Variants in ACTR3C observed in about 807,000 individuals in gnomAD.
The protein encoded by ACTR3C is actin-related protein 3C.
ACTR3C carries 18 observed loss-of-function variants against 26.3 expected under a neutral mutation model. That is an observed-to-expected ratio of 0.68 (90% CI 0.47 to 1.01). The LOEUF (loss-of-function observed/expected upper bound fraction) is 1.01. Among genes scored for constraint, ACTR3C ranks in the 50% least tolerant of loss-of-function variants. ACTR3C has a pLI of 0.00. For missense variants in ACTR3C, 184 were observed against 250.7 expected (o/e 0.73, Z 1.80); for synonymous variants, 55 against 94.5 (o/e 0.58, Z 2.42).
chr7:150,081,341 G>A, the ACTR3C span, among the ~76,000 whole-genome samples: 1 of 151,496 alleles, frequency 6.6e-6, no homozygotes, highest in African/African-American at 2.4e-5. Flanking sequence ...AAAGGAAGAA[G>A]GTAGAGGCAG....
chr7:149,930,489 C>T, the ACTR3C span, among the ~76,000 whole-genome samples: 1,661 of 152,232 alleles, frequency 0.011, 32 homozygotes, highest in African/African-American at 0.038. Context: ...AGTAGCAGTT[C>T]AGTAGCTTTC....
chr7:149,919,161 A>G, the ACTR3C span, among the ~76,000 whole-genome samples: 2 of 91,460 alleles, frequency 2.2e-5, no homozygotes, highest in South Asian at 9.3e-4. Context: ...CCCTTGTTTC[A>G]TTTAATTTTT....
the ACTR3C span, among the ~76,000 whole-genome samples, chr7:150,140,081 GGCT>G: frequency 6.7e-6 from 1 of 149,508 alleles, no homozygotes; most frequent in Non-Finnish European, 1.5e-5. Context: ...CACACAGACA[GGCT>G]GCTAAGCTGA....
chr7:150,025,471 T>A, the ACTR3C span, among the ~76,000 whole-genome samples: 1 of 151,670 alleles, frequency 6.6e-6, no homozygotes, highest in Non-Finnish European at 1.5e-5. Context: ...ATTTTTCCCT[T>A]GTATCACACA....
At chr7:150,237,347 G>A in the ACTR3C span, among the ~76,000 whole-genome samples, 10 of 152,256 alleles carry the variant, frequency 6.6e-5, no homozygotes, top group South Asian at 2.1e-4. Flanking sequence ...AGCCTGTCTG[G>A]GTGTATGGCA....
At chr7:150,189,052 T>C in the ACTR3C span, among the ~76,000 whole-genome samples, 10 of 151,356 alleles carry the variant, frequency 6.6e-5, no homozygotes, top group Non-Finnish European at 1.3e-4. Flanking sequence ...CCCCAGGGTT[T>C]ATTCTAGCCT....
Position 150,305,977 on chromosome 7 carries a change from T to C in ACTR3C, c.-51-10630A>G, listed in dbSNP as rs181358534. 7.1e-3 allele frequency among the ~76,000 whole-genome samples: 1,085 copies of C among 152,240 alleles called. 20 individuals carry two copies. The highest frequency in any genetic ancestry group is 0.024 in the African/African-American group (999 of 41,510). On this transcript the variant is annotated intron_variant, in intron 1 of 7. Transcript: ENST00000683684. ...GTTCACTCCCCTTTAACTATTCCAT[T>C]AACATACGGTTAAGGACAAATACCT...
Position 150,280,292 on chromosome 7 carries a change from G to A in ACTR3C, c.564+4461C>T, listed in dbSNP as rs186860776. Among the ~76,000 whole-genome samples the A allele has an allele frequency of 9.0e-3, 1,368 of 152,212 alleles. 17 individuals carry two copies. Among genetic ancestry groups the A allele is most frequent in the African/African-American group, 0.03 (1,265 of 41,516 alleles). On this transcript the variant is annotated intron_variant, in intron 6 of 7. Transcript: ENST00000683684. ...GGCTGATTTTCACCTGCTCTCACAC[G>A]GAGGCTTCCCCGCAGGCCCCACCCC...
the ACTR3C span, among the ~76,000 whole-genome samples, chr7:150,171,537 G>C: frequency 6.7e-6 from 1 of 149,086 alleles, no homozygotes; most frequent in African/African-American, 2.6e-5. Flanking sequence ...ATAGAGCACA[G>C]GTTTCAAATC....
chr7:150,126,361 A>G, the ACTR3C span, among the ~76,000 whole-genome samples: 2 of 152,260 alleles, frequency 1.3e-5, no homozygotes, highest in Non-Finnish European at 2.9e-5. Flanking sequence ...CTGAAAGCTG[A>G]AAGAGATCAT....
chr7:149,996,987 AT>A, the ACTR3C span, among the ~76,000 whole-genome samples: 1 of 146,416 alleles, frequency 6.8e-6, no homozygotes, highest in Non-Finnish European at 1.5e-5. Flanking sequence ...ACAACCATTC[AT>A]CCCAGAGATC....
At chr7:149,925,389 C>A in the ACTR3C span, among the ~76,000 whole-genome samples, 1 of 152,160 alleles carries the variant, frequency 6.6e-6, no homozygotes, top group African/African-American at 2.4e-5. Flanking sequence ...GGAGGAACAA[C>A]AATCGAAAAC....
chr7:150,194,493 G>GT, the ACTR3C span, among the ~76,000 whole-genome samples: 1,783 of 149,852 alleles, frequency 0.012, 34 homozygotes, highest in African/African-American at 0.041. Flanking sequence ...AGAGCTTATA[G>GT]TTTTTTCTTT....
downstream of ACTR3C, chr7:150,246,227 TTG>T (rs1393521132): frequency 4.6e-5 from 7 of 152,224 alleles, no homozygotes; most frequent in Non-Finnish European, 7.3e-5. Flanking sequence ...GCACAAGCAC[TTG>T]GGGGATAGTT....
the ACTR3C span, among the ~76,000 whole-genome samples, chr7:150,172,783 T>C: frequency 6.6e-6 from 1 of 150,716 alleles, no homozygotes; most frequent in South Asian, 2.1e-4. Flanking sequence ...ATTGGGTAAA[T>C]ATAGCTGTTC....
the ACTR3C span, among the ~76,000 whole-genome samples, chr7:150,228,072 A>G: frequency 1.6e-4 from 24 of 152,190 alleles, no homozygotes; most frequent in African/African-American, 5.5e-4. Flanking sequence ...TAATTCCAGT[A>G]AATCTGTAGA....
the ACTR3C span, among the ~76,000 whole-genome samples, chr7:150,149,764 T>C: frequency 1.3e-5 from 2 of 152,170 alleles, no homozygotes; most frequent in South Asian, 2.1e-4. Flanking sequence ...CTTTTCTGTG[T>C]GCAGTTTGTG....
chr7:149,894,596 C>T, the ACTR3C span, among the ~76,000 whole-genome samples: 1 of 152,000 alleles, frequency 6.6e-6, no homozygotes, highest in Non-Finnish European at 1.5e-5. Flanking sequence ...GGACATTTCT[C>T]AAAAGAAGAC....
At chr7:150,042,679 T>C in the ACTR3C span, among the ~76,000 whole-genome samples, 1 of 152,068 alleles carries the variant, frequency 6.6e-6, no homozygotes, top group Admixed American at 6.5e-5. Context: ...GTTCAGGTTT[T>C]GCCCAAGAAT....
Sources: allele counts gnomAD v4.1 joint callset (sites outside exome capture counted in the v4.1 genomes callset), GRCh38; gene constraint gnomAD v4.1.1; transcripts MANE v1.5; gene names NCBI Gene and HGNC (gene_info 2026-07-23, HGNC 2026-07-21).